Variants in MRAP2 observed in about 807,000 individuals in gnomAD.
MRAP2 encodes melanocortin-2 receptor accessory protein 2.
Under a neutral mutation model 17.4 loss-of-function variants are expected in MRAP2, and 20 were observed. The observed-to-expected ratio is 1.15, with a 90% CI of 0.81 to 1.67. MRAP2 has a LOEUF of 1.67. Among genes scored for constraint, MRAP2 ranks in the 40% most tolerant of loss-of-function variants. The pLI is 0.00. For missense variants in MRAP2, 238 were observed against 240.0 expected, an observed-to-expected ratio of 0.99 and a Z score of 0.05; for synonymous variants, 96 against 88.4, an observed-to-expected ratio of 1.09 and a Z score of -0.48.
At chr6:84,062,802 G>A (rs2099493517) in intron 2 of MRAP2, 91 bp from the exon 3 acceptor site, 5 of 1,574,268 alleles carry the variant, frequency 3.2e-6, no homozygotes, top group African/African-American at 1.4e-5. Context: ...CATGTTTCAT[G>A]TACCAAAGCC....
Position 84,042,111 on chromosome 6 carries a change from A to ATCAG in MRAP2, c.-8+8229_-8+8230insCAGT, listed in dbSNP as rs542227178. On this transcript the variant is annotated intron_variant, in intron 1 of 3. Coordinates refer to ENST00000257776, the MANE Select transcript of MRAP2 (RefSeq NM_138409.4). ...CAGTTATCCCCATGCTGTTCTCCTG[A>ATCAG]TAGTGAGTGAGTTCTCATGAGAGCT... 3.7e-4 allele frequency among the ~76,000 whole-genome samples: 56 copies of ATCAG among 152,246 alleles called. No homozygotes were observed. In the East Asian group the frequency reaches 4.1e-3, roughly 11 times the overall value.
At chr6:84,100,955 AT>A in the MRAP2 span, among the ~76,000 whole-genome samples, 1 of 151,220 alleles carries the variant, frequency 6.6e-6, no homozygotes, top group Non-Finnish European at 1.5e-5. Context: ...TGTTTATTCT[AT>A]TGTTTGATGT....
In MRAP2 at chr6:84,089,558, A is replaced by C; in HGVS notation, c.*77A>C. 1 of 1,494,420 alleles carries C rather than the reference A, an allele frequency of 6.7e-7. No homozygotes were observed. The highest frequency in any genetic ancestry group is 9.1e-7 in the Non-Finnish European group (1 of 1,102,910). 92.6% of individuals were successfully genotyped at this position (1,494,420 alleles called of 1,614,324 possible). A position where few individuals can be genotyped will look rare whatever the true frequency, so the allele number is the denominator to read the frequency against. On this transcript the variant is annotated 3_prime_UTR_variant, in exon 4 of 4. Transcript: ENST00000257776. ...TAGCAAGAAATCTACATCCACCAAA[A>C]TTGTGTGTGTTTGGGGGAGAGAGAG...
At chr6:84,135,086 GA>G in the MRAP2 span, among the ~76,000 whole-genome samples, 52 of 152,014 alleles carry the variant, frequency 3.4e-4, no homozygotes, top group African/African-American at 1.1e-3. Context: ...TTTATGAATA[GA>G]AAAAAATCTG....
chr6:84,105,684 C>T, the MRAP2 span, among the ~76,000 whole-genome samples: 1 of 152,120 alleles, frequency 6.6e-6, no homozygotes, highest in Non-Finnish European at 1.5e-5. Flanking sequence ...GAGTAGCAGT[C>T]CAATTTCCCC....
intron 3 of MRAP2, among the ~76,000 whole-genome samples, chr6:84,087,296 G>A (rs1321183145): frequency 6.6e-6 from 1 of 152,206 alleles, no homozygotes; most frequent in Non-Finnish European, 1.5e-5. Flanking sequence ...GTAGATAAGA[G>A]ACAATGGTTG....
intron 3 of MRAP2, among the ~76,000 whole-genome samples, chr6:84,088,282 C>G (rs898723836): frequency 7.2e-5 from 11 of 152,206 alleles, no homozygotes; most frequent in African/African-American, 2.7e-4. Flanking sequence ...GATGGAGTAT[C>G]AGGTTCTCAG....
At chr6:84,139,240 G>A in the MRAP2 span, among the ~76,000 whole-genome samples, 5 of 152,154 alleles carry the variant, frequency 3.3e-5, no homozygotes, top group African/African-American at 4.8e-5. Context: ...TACTCCATGA[G>A]TTTCCTACCA....
At chr6:84,118,559 C>T in the MRAP2 span, among the ~76,000 whole-genome samples, 3 of 152,110 alleles carry the variant, frequency 2.0e-5, no homozygotes, top group South Asian at 2.1e-4. Flanking sequence ...ACTGGGGGAA[C>T]GCTTCCTCAG....
chr6:84,062,406 T>A, intron 2 of MRAP2: 1 of 415,536 alleles, frequency 2.4e-6, no homozygotes. Flanking sequence ...CAGCCCAGAG[T>A]CTCTCTGAAT....
chr6:84,093,583 A>G (rs1036898511), downstream of MRAP2, among the ~76,000 whole-genome samples: 11 of 152,220 alleles, frequency 7.2e-5, no homozygotes, highest in African/African-American at 2.7e-4. Context: ...GCACAAGGAA[A>G]AGGGCAGGCT....
the MRAP2 span, among the ~76,000 whole-genome samples, chr6:84,105,613 C>T: frequency 1.3e-5 from 2 of 152,150 alleles, no homozygotes; most frequent in Non-Finnish European, 2.9e-5. Context: ...CATGGTAGTA[C>T]TAAGAGACAC....
Position 84,067,170 on chromosome 6 carries a change from A to G in MRAP2, c.227+4178A>G, listed in dbSNP as rs549498359. 2.6e-5 allele frequency among the ~76,000 whole-genome samples: 4 copies of G among 152,302 alleles called. No individual in the cohort carries two copies. The East Asian group carries it at 7.7e-4, about 29-fold the overall frequency. On this transcript the variant is annotated intron_variant, in intron 3 of 3. Transcript: ENST00000257776. Reference sequence around the variant, plus strand: ...CAATTTCTGAATTACTTCACTTAGAATAACAGTCTCCAGTCCCATCCAGAT... The same window carrying G: ...CAATTTCTGAATTACTTCACTTAGAGTAACAGTCTCCAGTCCCATCCAGAT...
At chr6:84,103,440 T>A in the MRAP2 span, among the ~76,000 whole-genome samples, 1 of 152,164 alleles carries the variant, frequency 6.6e-6, no homozygotes, top group South Asian at 2.1e-4. Context: ...GCCCTTTTTT[T>A]GCTACAGCTT....
At chr6:84,079,010 C>T (rs2099498308) in intron 3 of MRAP2, among the ~76,000 whole-genome samples, 1 of 152,192 alleles carries the variant, frequency 6.6e-6, no homozygotes, top group Non-Finnish European at 1.5e-5. Context: ...TTTGCAGTTT[C>T]TCATAAAGTT....
chr6:84,047,179 ATTAT>A (rs1562872963), intron 1 of MRAP2, among the ~76,000 whole-genome samples: 3 of 151,662 alleles, frequency 2.0e-5, no homozygotes, highest in South Asian at 2.1e-4. Flanking sequence ...AATTATTTGT[ATTAT>A]TTAATTAATT....
chr6:84,085,133 C>T (rs890922781), intron 3 of MRAP2, among the ~76,000 whole-genome samples: 57 of 151,728 alleles, frequency 3.8e-4, no homozygotes, highest in Admixed American at 3.0e-3. Context: ...CGGCTCACTG[C>T]AAGCTCCACC....
At chr6:84,103,163 C>T in the MRAP2 span, among the ~76,000 whole-genome samples, 4 of 151,980 alleles carry the variant, frequency 2.6e-5, no homozygotes, top group African/African-American at 9.7e-5. Context: ...CAGATTCTGG[C>T]AGAAATTGGA....
the MRAP2 span, among the ~76,000 whole-genome samples, chr6:84,140,250 G>A: frequency 4.6e-5 from 7 of 152,206 alleles, no homozygotes; most frequent in African/African-American, 1.4e-4. Context: ...AGCCTTTGGC[G>A]TTTCAAACTT....
Sources: gnomAD v4.1 joint callset for allele counts (sites outside exome capture counted in the v4.1 genomes callset) on GRCh38, gnomAD v4.1.1 for gene constraint, MANE v1.5 for transcripts, NCBI Gene and HGNC (gene_info 2026-07-23, HGNC 2026-07-21) for gene names.